ANPEP: variants seen among roughly 807,000 people sequenced by gnomAD.
ANPEP encodes the protein aminopeptidase N.
Under a neutral mutation model 114.6 loss-of-function variants are expected in ANPEP, and 70 were observed. The ratio of observed to expected loss-of-function variants is 0.61; its 90% CI spans 0.50 to 0.75. ANPEP has a LOEUF of 0.75. Among genes scored for constraint, ANPEP ranks in the 30% least tolerant of loss-of-function variants. The pLI is 0.00. For missense variants in ANPEP, 1,184 were observed against 1,259.5 expected (o/e 0.94, Z 0.91); for synonymous variants, 548 against 522.3 (o/e 1.05, Z -0.67).
At position 89,806,128 on chromosome 15, in the gene ANPEP, C is replaced by G. The variant is rs1306018873; in HGVS notation, c.456G>C (p.Lys152Asn). 1 of 1,614,094 alleles carries G rather than the reference C, an allele frequency of 6.2e-7. No individual in the cohort carries two copies. The highest frequency in any genetic ancestry group is 2.2e-5 in the East Asian group (1 of 44,874). ...ACTCGGTGGGCTCCACCAGCTCAGT[C>G]TTGTCAATGTCGGGGGGCTGGGAGC... The part of the protein sequence containing the change: ...VGGSQPPDID[K>N]TELVEPTEYL... The change falls in exon 2 of 21, where the codon AAG (lysine) becomes AAC (asparagine). Residue 152 changes from lysine (K) to asparagine (N), a missense_variant. By Grantham distance (94) the Lys-to-Asn change is moderately conservative. Transcript: ENST00000300060. This position sits in a 1 kb window ranked among gnomAD's most constrained non-coding sequence, Gnocchi z 5.7.
intron 1 of ANPEP, among the ~76,000 whole-genome samples, chr15:89,813,128 C>A (rs1356230567): frequency 1.3e-5 from 2 of 152,082 alleles, no homozygotes; most frequent in Non-Finnish European, 2.9e-5. Flanking sequence ...AATAAGGACA[C>A]CCCAGGGCCT....
intron 15 of ANPEP, 88 bp from the exon 16 acceptor site, chr15:89,793,214 G>T (rs79798527): frequency 1.2e-5 from 14 of 1,207,064 alleles, no homozygotes; most frequent in South Asian, 9.0e-5. Flanking sequence ...GGGGGCAGGC[G>T]CTGGCAGAGA....
chr15:89,800,199 A>C (rs1307181969), intron 12 of ANPEP, among the ~76,000 whole-genome samples: 1 of 152,106 alleles, frequency 6.6e-6, no homozygotes, highest in Non-Finnish European at 1.5e-5. Flanking sequence ...TATCCCTGGC[A>C]CTTGCTATTC....
chr15:89,813,993 G>GC lies in ANPEP; in HGVS notation c.-224+778_-224+779insG, dbSNP rs1555442943. ...GCCGTCCCTGCCCACCGCACTGCTG[G>GC]GGGGGGGGGGTGCGTTCTGGAGTCA... On this transcript the variant is annotated intron_variant, in intron 1 of 20. Coordinates refer to ENST00000300060, the MANE Select transcript of ANPEP (RefSeq NM_001150.3). Among the ~76,000 whole-genome samples, 34 of 137,746 alleles carry GC rather than the reference G, an allele frequency of 2.5e-4. 2 individuals are homozygous for GC. The South Asian group carries it at 7.7e-3, about 31-fold the overall frequency. 90.4% of individuals were successfully genotyped at this position (137,746 alleles called of 152,430 possible).
intron 15 of ANPEP, among the ~76,000 whole-genome samples, chr15:89,794,550 G>T (rs1046201095): frequency 1.3e-5 from 2 of 151,980 alleles, no homozygotes; most frequent in Admixed American, 1.3e-4. Context: ...GGACAGAGGG[G>T]AGGTAAGGAC....
intron 15 of ANPEP, among the ~76,000 whole-genome samples, chr15:89,796,280 A>G (rs946769086): frequency 5.9e-5 from 9 of 152,228 alleles, no homozygotes; most frequent in African/African-American, 1.9e-4. Context: ...AAAAAAGGAA[A>G]CATAAACATA....
chr15:89,797,610 T>C lies in ANPEP; in HGVS notation c.2122A>G (p.Met708Val). The change falls in exon 15 of 21, where the codon ATG becomes GTG. Residue 708 changes from methionine to valine, a missense_variant. By Grantham distance (21) the Met-to-Val change is conservative (BLOSUM62 1). Transcript: ENST00000300060. ...CCATAGACCTCGGAGCGGTCAAACA[T>C]GAGCTTGAAGTAGCTCAGGCTGCTC... is the stretch of plus-strand genomic sequence containing the variant. ...ALSSLSYFKL[M>V]FDRSEVYGPM... The C allele has an allele frequency of 1.2e-6, 2 of 1,614,162 alleles. No homozygotes were observed. The highest frequency in any genetic ancestry group is 1.7e-6 in the Non-Finnish European group (2 of 1,180,028).
Position 89,792,284 on chromosome 15 carries a change from C to T in ANPEP, c.2404G>A (p.Ala802Thr), listed in dbSNP as rs1314484079. ...LRSTVYCNAI[A>T]QGGEEEWDFA... ...TCCCACTCCTCCTCCCCGCCCTGGG[C>T]GATAGCGTTGCAGTAGACGGTGGAC... The change falls in exon 18 of 21, where the codon GCC becomes ACC. Residue 802 changes from alanine to threonine, a missense_variant. Transcript: ENST00000300060. The T allele has an allele frequency of 5.6e-6, 9 of 1,614,204 alleles. No individual in the cohort carries two copies. Among genetic ancestry groups the T allele is most frequent in the East Asian group, 2.2e-5 (1 of 44,884 alleles).
chr15:89,785,790 A>G (rs1392278860), intron 20 of ANPEP, among the ~76,000 whole-genome samples: 76 of 152,236 alleles, frequency 5.0e-4, no homozygotes, highest in Admixed American at 5.0e-3. Flanking sequence ...AGAGGGGCTA[A>G]TGAAGCAACC....
chr15:89,797,826 C>T lies in ANPEP; in HGVS notation c.2010-104G>A, dbSNP rs965124083. On this transcript the variant is annotated intron_variant, in intron 14 of 20. Transcript: ENST00000300060. The stretch of plus-strand genomic sequence containing the variant: ...CAAAGATGCTCCACACCCCTAGGCC[C>T]CCTGTATCCACTCCTGGAGCCGGAG... 7 of 1,477,016 alleles carry T rather than the reference C, an allele frequency of 4.7e-6. No individual in the cohort carries two copies. In the Admixed American group the frequency reaches 6.3e-5, roughly 13 times the overall value. The allele number at this position is 1,477,016 out of a possible 1,614,324, so 91.5% of individuals were successfully genotyped here.
At position 89,803,374 on chromosome 15, in the gene ANPEP, G is replaced by C. The variant is rs948231516; in HGVS notation, c.1503+68C>G. The C allele has an allele frequency of 1.9e-6, 3 of 1,613,434 alleles. No homozygotes were observed. The highest frequency in any genetic ancestry group is 1.1e-5 in the South Asian group (1 of 91,074). On this transcript the variant is annotated intron_variant, in intron 9 of 20. Transcript: ENST00000300060. The surrounding 1 kb of genome is among the most constrained non-coding windows in gnomAD (Gnocchi z 4.2). ...AGGCTCCCCCTCTGTGGTGGGCAGA[G>C]GCCCGGGTCAAGGGCGAGGGGCAGA... is the stretch of plus-strand genomic sequence containing the variant.
Position 89,799,257 on chromosome 15 carries a change from C to CA in ANPEP, c.2009+2dup. The stretch of plus-strand genomic sequence containing the variant: ...CAGCTGAGCCAGGCAGCGGAGCACT[C>CA]ACCTGGCCAGGTTGAAGGCGTCATT... On this transcript the variant is annotated splice_region_variant and intron_variant, in intron 14 of 20. Transcript: ENST00000300060. The surrounding 1 kb of genome is among the most constrained non-coding windows in gnomAD (Gnocchi z 4.2). 2 of 1,614,162 alleles carry CA rather than the reference C, an allele frequency of 1.2e-6. No homozygotes were observed. Among genetic ancestry groups the CA allele is most frequent in the Non-Finnish European group, 1.7e-6 (2 of 1,180,036 alleles).
intron 20 of ANPEP, among the ~76,000 whole-genome samples, chr15:89,788,844 T>G (rs1324478233): frequency 6.6e-6 from 1 of 151,910 alleles, no homozygotes; most frequent in Non-Finnish European, 1.5e-5. Context: ...GGTCTCAAAC[T>G]CCTGGGTTCA....
intron 4 of ANPEP, chr15:89,804,826 C>T (rs758607849): frequency 6.9e-5 from 57 of 825,460 alleles, no homozygotes; most frequent in Non-Finnish European, 1.0e-4. Flanking sequence ...TGGAGAATAA[C>T]AATCATCATA....
At chr15:89,809,890 C>G (rs147585708) in intron 1 of ANPEP, among the ~76,000 whole-genome samples, 1 of 152,220 alleles carries the variant, frequency 6.6e-6, no homozygotes, top group African/African-American at 2.4e-5. Flanking sequence ...CCCAGATCAT[C>G]GGGGCTTTTT....
intron 12 of ANPEP, among the ~76,000 whole-genome samples, chr15:89,800,796 G>A (rs936548408): frequency 1.3e-5 from 2 of 151,962 alleles, no homozygotes; most frequent in Non-Finnish European, 2.9e-5. Flanking sequence ...CCTGACCCCA[G>A]GTCGCCTCGG....
chr15:89,806,428 G>A lies in ANPEP; in HGVS notation c.156C>T (p.Ser52=), dbSNP rs776479177. The change falls in exon 2 of 21, where the codon TCC becomes TCT. Residue 52 remains serine (S), a synonymous_variant. Coordinates refer to ENST00000300060, the MANE Select transcript of ANPEP (RefSeq NM_001150.3). This position sits in a 1 kb window ranked among gnomAD's most constrained non-coding sequence, Gnocchi z 5.7. ...NSSPVASTTP[S]ASATTNPASA... ...AGGCGGGGTTGGTGGTGGCTGAGGC[G>A]GACGGGGTGGTGGAGGCCACGGGGG... 44 of 1,613,978 alleles carry A rather than the reference G, an allele frequency of 2.7e-5. No individual in the cohort carries two copies. The South Asian group carries it at 4.1e-4, about 15-fold the overall frequency.
At chr15:89,809,295 C>A (rs1357752764) in intron 1 of ANPEP, among the ~76,000 whole-genome samples, 1 of 152,224 alleles carries the variant, frequency 6.6e-6, no homozygotes, top group Non-Finnish European at 1.5e-5. Flanking sequence ...CAGCCCCCTC[C>A]CACCTTTGCA....
At position 89,803,515 on chromosome 15, in the gene ANPEP, G is replaced by A. The variant is rs956947392; in HGVS notation, c.1438-8C>T. ...CCTGAGGACTGAGGCGCCCTGGGGT[G>A]GGGGTGAGGGGGCGCTCAGAAGGCT... On this transcript the variant is annotated splice_polypyrimidine_tract_variant and splice_region_variant and intron_variant, in intron 8 of 20. Transcript: ENST00000300060. This position sits in a 1 kb window ranked among gnomAD's most constrained non-coding sequence, Gnocchi z 4.2. The A allele has an allele frequency of 1.3e-5, 21 of 1,606,252 alleles. No individual in the cohort carries two copies. The highest frequency in any genetic ancestry group is 1.6e-5 in the Non-Finnish European group (19 of 1,178,636).
Sources: gnomAD v4.1 joint callset for allele counts (sites outside exome capture counted in the v4.1 genomes callset) on GRCh38, gnomAD v4.1.1 for gene constraint, Gnocchi (gnomAD v3.1) non-coding constraint, MANE v1.5 for transcripts, NCBI Gene and HGNC (gene_info 2026-07-23, HGNC 2026-07-21) for gene names.